The following SPOPL variants were observed in gnomAD, a reference collection of about 807,000 sequenced individuals.
SPOPL encodes speckle type BTB/POZ protein like, also known as speckle-type POZ protein-like.
In SPOPL, 23 loss-of-function variants were observed where a neutral mutation model predicts 53.8. The ratio of observed to expected loss-of-function variants is 0.43; its 90% CI spans 0.31 to 0.61. The LOEUF (loss-of-function observed/expected upper bound fraction) is 0.61. Ranked by LOEUF, SPOPL falls within the 20% of genes least tolerant of loss-of-function variation. The probability of loss-of-function intolerance (pLI) is 0.12; values close to 1 mark genes in which losing one functional copy is unlikely to be tolerated. For synonymous variants in SPOPL, 164 were observed against 149.7 expected (o/e 1.10, Z -0.70); for missense variants, 442 against 466.9 (o/e 0.95, Z 0.49).
At chr2:138,537,445 A>G (rs1245292387) in intron 1 of SPOPL, among the ~76,000 whole-genome samples, 1 of 152,168 alleles carries the variant, frequency 6.6e-6, no homozygotes, top group Non-Finnish European at 1.5e-5. Flanking sequence ...TCTGGAATCT[A>G]TAGATAACAC....
chr2:138,523,534 A>G (rs931167209), intron 1 of SPOPL, among the ~76,000 whole-genome samples: 5 of 152,200 alleles, frequency 3.3e-5, no homozygotes, highest in South Asian at 2.1e-4. Flanking sequence ...TCCACAGTCC[A>G]AAGTCTTATC....
intron 1 of SPOPL, among the ~76,000 whole-genome samples, chr2:138,511,549 T>A (rs989859501): frequency 1.3e-5 from 2 of 152,236 alleles, no homozygotes; most frequent in African/African-American, 4.8e-5. Flanking sequence ...ACCCATGAGG[T>A]ATAGATAATA....
chr2:138,544,596 G>C (rs555029534), intron 1 of SPOPL, among the ~76,000 whole-genome samples: 2 of 152,314 alleles, frequency 1.3e-5, no homozygotes, highest in Admixed American at 6.5e-5. Flanking sequence ...CACAGTATTA[G>C]GGTGGGAGTG....
intron 10 of SPOPL, among the ~76,000 whole-genome samples, chr2:138,566,658 T>C (rs1276365232): frequency 3.3e-5 from 5 of 152,204 alleles, no homozygotes; most frequent in African/African-American, 1.2e-4. Context: ...ATTGTTTTGT[T>C]GGTATCAGCT....
At position 138,570,367 on chromosome 2, in the gene SPOPL, A is replaced by T. The variant is rs955467959; in HGVS notation, c.*1287A>T. 6.6e-6 allele frequency: 1 copy of T among 152,236 alleles called. No individual in the cohort carries two copies. Among genetic ancestry groups the T allele is most frequent in the African/African-American group, 2.4e-5 (1 of 41,470 alleles). 9.4% of individuals were successfully genotyped at this position (152,236 alleles called of 1,614,324 possible). On this transcript the variant is annotated 3_prime_UTR_variant, in exon 11 of 11. Coordinates refer to ENST00000280098, the MANE Select transcript of SPOPL (RefSeq NM_001001664.3). Reference sequence around the variant, plus strand: ...TGAAATTCTGCATAATGTGAACAGGATAAACTATTTATAAACTGCTTTTCA... The same window carrying T: ...TGAAATTCTGCATAATGTGAACAGGTTAAACTATTTATAAACTGCTTTTCA...
intron 1 of SPOPL, among the ~76,000 whole-genome samples, chr2:138,528,196 C>T (rs1486785707): frequency 1.3e-5 from 2 of 152,170 alleles, no homozygotes; most frequent in African/African-American, 4.8e-5. Flanking sequence ...ACAACTGCCA[C>T]CCTTGGGGAA....
At chr2:138,530,420 A>G (rs888267146) in intron 1 of SPOPL, among the ~76,000 whole-genome samples, 1 of 152,192 alleles carries the variant, frequency 6.6e-6, no homozygotes, top group South Asian at 2.1e-4. Context: ...GTTTTCCACA[A>G]TGGTTGAAGT....
Position 138,569,326 on chromosome 2 carries a change from C to G in SPOPL, c.*246C>G. ...AATGACTTGTCTTGTTCATATAATA[C>G]TTTAATTTTTTTTTATTGTGCCTTG... On this transcript the variant is annotated 3_prime_UTR_variant, in exon 11 of 11. Transcript: ENST00000280098. 1 of 381,984 alleles carries G rather than the reference C, an allele frequency of 2.6e-6. No individual in the cohort carries two copies. Among genetic ancestry groups the G allele is most frequent in the Non-Finnish European group, 4.6e-6 (1 of 215,560 alleles). 23.7% of individuals were successfully genotyped at this position (381,984 alleles called of 1,614,324 possible).
chr2:138,510,372 G>A (rs1324576736), intron 1 of SPOPL, among the ~76,000 whole-genome samples: 1 of 152,186 alleles, frequency 6.6e-6, no homozygotes, highest in East Asian at 1.9e-4. Flanking sequence ...CCATATCCTT[G>A]TCAGTATTTG....
At position 138,569,961 on chromosome 2, in the gene SPOPL, A is replaced by AT. The variant is rs1211166503; in HGVS notation, c.*888dup. ...CTTTTGTATGCTGAATGGTACATAT[A>AT]TTTTTTTGCTTTTGAGGGAATTAAT... On this transcript the variant is annotated 3_prime_UTR_variant, in exon 11 of 11. Transcript: ENST00000280098. 1 of 152,506 alleles carries AT rather than the reference A, an allele frequency of 6.6e-6. No homozygotes were observed. Among genetic ancestry groups the AT allele is most frequent in the Non-Finnish European group, 1.5e-5 (1 of 68,002 alleles). 9.4% of individuals were successfully genotyped at this position (152,506 alleles called of 1,614,324 possible).
chr2:138,528,927 GAATC>G (rs1189448600), intron 1 of SPOPL, among the ~76,000 whole-genome samples: 1 of 152,050 alleles, frequency 6.6e-6, no homozygotes, highest in Non-Finnish European at 1.5e-5. Flanking sequence ...GTTAATTTGA[GAATC>G]AATTAGATAA....
intron 1 of SPOPL, among the ~76,000 whole-genome samples, chr2:138,507,901 G>T (rs910042516): frequency 6.6e-6 from 1 of 152,062 alleles, no homozygotes; most frequent in Non-Finnish European, 1.5e-5. Context: ...ATACTTACAG[G>T]TTCATTCAAT....
In SPOPL at chr2:138,567,925, A is replaced by T. The variant is rs1685698526; in HGVS notation, c.1035-1011A>T. 2.6e-5 allele frequency among the ~76,000 whole-genome samples: 4 copies of T among 152,208 alleles called. No individual in the cohort carries two copies. In the South Asian group the frequency reaches 8.3e-4, roughly 32 times the overall value. On this transcript the variant is annotated intron_variant, in intron 10 of 10. Transcript: ENST00000280098. ...TTATTGTTTGGTGAGAGCATAGTGT[A>T]CATAGGGTACAATAAGCAGTTCAAT...
At chr2:138,509,265 T>C in intron 1 of SPOPL, among the ~76,000 whole-genome samples, 1 of 152,192 alleles carries the variant, frequency 6.6e-6, no homozygotes, top group East Asian at 1.9e-4. Context: ...GGAGTTGGTG[T>C]ATTTGCTTTC....
intron 1 of SPOPL, among the ~76,000 whole-genome samples, chr2:138,533,612 C>A (rs970192234): frequency 6.6e-6 from 1 of 151,902 alleles, no homozygotes; most frequent in Non-Finnish European, 1.5e-5. Flanking sequence ...ATTTTATCAC[C>A]TTTATAAACA....
chr2:138,522,904 A>G (rs2104865816), intron 1 of SPOPL, among the ~76,000 whole-genome samples: 1 of 152,358 alleles, frequency 6.6e-6, no homozygotes, highest in South Asian at 2.1e-4. Context: ...AAAACACGTA[A>G]CTAGCCCCCT....
intron 1 of SPOPL, among the ~76,000 whole-genome samples, chr2:138,535,977 A>T (rs1229425016): frequency 6.6e-6 from 1 of 151,826 alleles, no homozygotes; most frequent in East Asian, 1.9e-4. Context: ...TGGTTCTTTT[A>T]AAAAAAATAA....
At chr2:138,528,286 C>G (rs1684721283) in intron 1 of SPOPL, among the ~76,000 whole-genome samples, 1 of 152,172 alleles carries the variant, frequency 6.6e-6, no homozygotes, top group Non-Finnish European at 1.5e-5. Flanking sequence ...TTGGCCTTTT[C>G]CTGCTCTTTG....
Position 138,552,559 on chromosome 2 carries a change from C to T in SPOPL, c.358C>T (p.Gln120Ter), listed in dbSNP as rs1284677210. The change falls in exon 5 of 11, where the codon CAA becomes TAA. Residue 120 changes from glutamine (Q) to a stop codon, truncating the protein, a stop_gained. Coordinates refer to ENST00000280098, the MANE Select transcript of SPOPL (RefSeq NM_001001664.3). LOFTEE classifies it high-confidence loss of function. ...TCTATTCTGTTTTCCACCAGAAAGC[C>T]AAAGAGCATATCGATTTGTGCAAGG... Reference protein sequence around the residue: ...KREETKAMESQRAYRFVQGKD... With the variant: ...KREETKAMES The T allele has an allele frequency of 6.2e-7, 1 of 1,608,120 alleles. No homozygotes were observed. The highest frequency in any genetic ancestry group is 8.5e-7 in the Non-Finnish European group (1 of 1,177,888).
Sources: allele counts gnomAD v4.1 joint callset (sites outside exome capture counted in the v4.1 genomes callset), GRCh38; gene constraint gnomAD v4.1.1; transcripts MANE v1.5; gene names NCBI Gene and HGNC (gene_info 2026-07-23, HGNC 2026-07-21).